C1QTNF3: variants seen among roughly 807,000 people sequenced by gnomAD.
C1QTNF3 encodes complement C1q tumor necrosis factor-related protein 3.
Under a neutral mutation model 32.6 loss-of-function variants are expected in C1QTNF3, and 26 were observed. That is an observed-to-expected ratio of 0.80 (90% confidence interval 0.58 to 1.11). The LOEUF (loss-of-function observed/expected upper bound fraction) is 1.11. C1QTNF3 is among the 50% of genes least tolerant of loss of function. The probability of loss-of-function intolerance (pLI) is 0.00; values close to 1 mark genes in which losing one functional copy is unlikely to be tolerated. For missense variants in C1QTNF3, 362 were observed against 398.2 expected (o/e 0.91, Z 0.77); for synonymous variants, 155 against 146.0 (o/e 1.06, Z -0.44).
chr5:34,231,379 A>G, the C1QTNF3 span, among the ~76,000 whole-genome samples: 1 of 152,216 alleles, frequency 6.6e-6, no homozygotes, highest in African/African-American at 2.4e-5. Context: ...ATATGGGTAC[A>G]TAAGACTGAA....
the C1QTNF3 span, among the ~76,000 whole-genome samples, chr5:34,221,574 T>C: frequency 6.6e-6 from 1 of 152,086 alleles, no homozygotes; most frequent in East Asian, 1.9e-4. Context: ...TTTCAGATAG[T>C]GTGAACTCTT....
chr5:34,139,020 G>A, the C1QTNF3 span, among the ~76,000 whole-genome samples: 3 of 151,976 alleles, frequency 2.0e-5, no homozygotes, highest in Non-Finnish European at 4.4e-5. Context: ...ATATTTTTAA[G>A]AAGGGTTAGC....
the C1QTNF3 span, among the ~76,000 whole-genome samples, chr5:34,089,469 T>G: frequency 5.9e-5 from 9 of 152,326 alleles, no homozygotes; most frequent in Admixed American, 5.2e-4. Flanking sequence ...CCCAGAGAGC[T>G]ACCCTGCCCC....
the C1QTNF3 span, among the ~76,000 whole-genome samples, chr5:34,048,858 G>A: frequency 1.3e-5 from 2 of 152,100 alleles, no homozygotes; most frequent in African/African-American, 4.8e-5. Context: ...CATAAAACCT[G>A]ATGCACCAGT....
At chr5:34,158,996 CACAT>C in the C1QTNF3 span, among the ~76,000 whole-genome samples, 13 of 151,972 alleles carry the variant, frequency 8.6e-5, no homozygotes, top group Non-Finnish European at 1.3e-4. Flanking sequence ...ACGTATGTAA[CACAT>C]ACATAGTGTA....
At chr5:34,087,165 C>CTA in the C1QTNF3 span, among the ~76,000 whole-genome samples, 2 of 147,670 alleles carry the variant, frequency 1.4e-5, no homozygotes, top group Non-Finnish European at 3.0e-5. Context: ...TTCACTCTGC[C>CTA]TATCTTCAAG....
chr5:34,142,255 A>T, the C1QTNF3 span, among the ~76,000 whole-genome samples: 1 of 151,898 alleles, frequency 6.6e-6, no homozygotes, highest in South Asian at 2.1e-4. Context: ...AACATGTGAA[A>T]CCCTGTCTCT....
chr5:34,164,008 T>C, the C1QTNF3 span, among the ~76,000 whole-genome samples: 3 of 152,196 alleles, frequency 2.0e-5, no homozygotes, highest in Non-Finnish European at 2.9e-5. Context: ...CCATAAACCT[T>C]TGCACAGCAG....
chr5:34,220,490 GCATACA>G, the C1QTNF3 span, among the ~76,000 whole-genome samples: 1 of 141,680 alleles, frequency 7.1e-6, no homozygotes, highest in African/African-American at 3.0e-5. Context: ...AGTTCAGTTA[GCATACA>G]CACACACACA....
the C1QTNF3 span, chr5:34,168,119 T>C: frequency 1.3e-5 from 2 of 152,220 alleles, no homozygotes; most frequent in African/African-American, 4.8e-5. Context: ...ATTATTCACA[T>C]ATTGAAATTC....
the C1QTNF3 span, among the ~76,000 whole-genome samples, chr5:34,225,891 T>A: frequency 4.6e-5 from 7 of 151,474 alleles, no homozygotes; most frequent in Non-Finnish European, 8.8e-5. Flanking sequence ...TTTAATATGC[T>A]CATCAAAATA....
chr5:34,123,981 A>G, the C1QTNF3 span, among the ~76,000 whole-genome samples: 9 of 152,192 alleles, frequency 5.9e-5, no homozygotes, highest in South Asian at 2.1e-4. Flanking sequence ...TGATAAGCCC[A>G]TGTGTCTTTT....
At chr5:34,043,670 A>G (rs1183821163), upstream of C1QTNF3, 1 of 153,104 alleles carries the variant, frequency 6.5e-6, no homozygotes, top group Non-Finnish European at 1.5e-5. Context: ...ACTTTGGCCC[A>G]CTTAAGGTAA....
chr5:34,106,038 A>AT, the C1QTNF3 span: 1 of 149,034 alleles, frequency 6.7e-6, no homozygotes, highest in African/African-American at 2.5e-5. Flanking sequence ...AAAGTTACAA[A>AT]TTACTTTTCT....
the C1QTNF3 span, among the ~76,000 whole-genome samples, chr5:34,244,362 G>A: frequency 1.3e-5 from 2 of 152,156 alleles, no homozygotes; most frequent in African/African-American, 4.8e-5. Context: ...AGATTGCAAA[G>A]AGCAAAAGAA....
At chr5:34,177,896 T>C in the C1QTNF3 span, among the ~76,000 whole-genome samples, 1 of 151,982 alleles carries the variant, frequency 6.6e-6, no homozygotes, top group South Asian at 2.1e-4. Context: ...GGGCTAGCAT[T>C]CCAGGTGTGA....
At chr5:34,107,204 T>G in the C1QTNF3 span, among the ~76,000 whole-genome samples, 1 of 122,420 alleles carries the variant, frequency 8.2e-6, no homozygotes, top group Non-Finnish European at 1.7e-5. Flanking sequence ...GTTCAACAAA[T>G]GTAAAGAACA....
At chr5:34,064,839 C>G in the C1QTNF3 span, among the ~76,000 whole-genome samples, 1 of 152,280 alleles carries the variant, frequency 6.6e-6, no homozygotes, top group South Asian at 2.1e-4. Flanking sequence ...AGGCCTTCAA[C>G]TGATTAGGTG....
chr5:34,160,985 TAGA>T, the C1QTNF3 span, among the ~76,000 whole-genome samples: 2 of 152,182 alleles, frequency 1.3e-5, no homozygotes, highest in African/African-American at 4.8e-5. Context: ...TTGGATTTTC[TAGA>T]AGTAGAGTTT....
Sources: allele counts gnomAD v4.1 joint callset (sites outside exome capture counted in the v4.1 genomes callset), GRCh38; gene constraint gnomAD v4.1.1; transcripts MANE v1.5; gene names NCBI Gene and HGNC (gene_info 2026-07-23, HGNC 2026-07-21).